The following SNX3 variants were observed in gnomAD, a reference collection of about 807,000 sequenced individuals.
SNX3 encodes the protein sorting nexin 3, also known as sorting nexin-3.
A neutral mutation model predicts 17.7 loss-of-function variants in SNX3; 5 were observed. The ratio of observed to expected loss-of-function variants is 0.28; its 90% CI spans 0.15 to 0.59. The LOEUF (loss-of-function observed/expected upper bound fraction) is 0.59, where lower values mean the gene tolerates loss of function less well. Among genes scored for constraint, SNX3 ranks in the 20% least tolerant of loss-of-function variants. The pLI is 0.88. For synonymous variants in SNX3, 91 were observed against 76.5 expected, an observed-to-expected ratio of 1.19 and a Z score of -0.99; for missense variants, 132 against 206.8, an observed-to-expected ratio of 0.64 and a Z score of 2.22.
At chr6:108,215,818 G>C (rs1774551186) in intron 2 of SNX3, among the ~76,000 whole-genome samples, 3 of 152,064 alleles carry the variant, frequency 2.0e-5, no homozygotes, top group South Asian at 4.1e-4. Context: ...TGTAGTCCCA[G>C]CTACTTAGGA....
chr6:108,231,895 T>C (rs1198109689), intron 1 of SNX3, among the ~76,000 whole-genome samples: 1 of 152,200 alleles, frequency 6.6e-6, no homozygotes, highest in Non-Finnish European at 1.5e-5. Flanking sequence ...ACCGATGTAT[T>C]AAGTACAGAA....
chr6:108,223,197 G>A, intron 1 of SNX3, 152 bp from the exon 2 acceptor site: 1 of 584,010 alleles, frequency 1.7e-6, no homozygotes, highest in South Asian at 2.1e-5. Context: ...GGAGTGCAAT[G>A]GCACGATCTC....
At chr6:108,224,408 G>A (rs1774914399) in intron 1 of SNX3, among the ~76,000 whole-genome samples, 2 of 152,170 alleles carry the variant, frequency 1.3e-5, no homozygotes, top group South Asian at 2.1e-4. Flanking sequence ...AGCCTCCCAA[G>A]TAGCTGGGAC....
chr6:108,237,955 G>A (rs954238900), intron 1 of SNX3, among the ~76,000 whole-genome samples: 15 of 151,306 alleles, frequency 9.9e-5, no homozygotes, highest in Admixed American at 8.6e-4. Context: ...AAATTAGCCC[G>A]GCATGGTGGC....
rs544459511 is a variant in SNX3 at position 108,217,328 on chromosome 6, T to C, written c.259-2706A>G. Among the ~76,000 whole-genome samples, 278 of 152,234 alleles carry C rather than the reference T, an allele frequency of 1.8e-3. 7 individuals are homozygous for C. Among genetic ancestry groups the C allele is most frequent in the Middle Eastern group, 3.4e-3 (1 of 294 alleles). On this transcript the variant is annotated intron_variant, in intron 2 of 3. Transcript: ENST00000230085. ...ACTCTTCCTAACATATTCAAACTAGTCATTCAAATGGATGGGGAGGTGGTA... is the reference window on the plus strand; with the variant it reads ...ACTCTTCCTAACATATTCAAACTAGCCATTCAAATGGATGGGGAGGTGGTA...
intron 1 of SNX3, among the ~76,000 whole-genome samples, chr6:108,225,621 G>A (rs1458920486): frequency 6.6e-6 from 1 of 152,104 alleles, no homozygotes; most frequent in Non-Finnish European, 1.5e-5. Context: ...GACAGAGTGA[G>A]ACTCTGACTC....
At chr6:108,245,607 G>A (rs1035876933) in intron 1 of SNX3, among the ~76,000 whole-genome samples, 12 of 152,066 alleles carry the variant, frequency 7.9e-5, no homozygotes, top group Non-Finnish European at 1.5e-4. Context: ...CCACATTCTC[G>A]CCAGCATCTG....
chr6:108,232,015 T>C (rs1050192054), intron 1 of SNX3, among the ~76,000 whole-genome samples: 9 of 152,352 alleles, frequency 5.9e-5, no homozygotes, highest in East Asian at 3.9e-4. Flanking sequence ...CTGCTGGGTA[T>C]CTTGCTTTTC....
In SNX3 at chr6:108,260,944, C is replaced by A. The variant is rs373380139; in HGVS notation, c.-23G>T. The A allele has an allele frequency of 1.3e-6, 2 of 1,543,428 alleles. No individual in the cohort carries two copies. The highest frequency in any genetic ancestry group is 2.8e-5 in the African/African-American group (2 of 70,348). On this transcript the variant is annotated 5_prime_UTR_variant, in exon 1 of 4. Coordinates refer to ENST00000230085, the MANE Select transcript of SNX3 (RefSeq NM_003795.6). ...CATTTCGCTGTAGCTGCTGCCGCCG[C>A]CGCGGGCTCCCTCCGCCCCCTCCGC...
intron 2 of SNX3, among the ~76,000 whole-genome samples, chr6:108,218,617 T>G (rs1390497895): frequency 6.6e-6 from 1 of 152,186 alleles, no homozygotes; most frequent in Non-Finnish European, 1.5e-5. Flanking sequence ...GAACAAAATG[T>G]CCACCAAATA....
At chr6:108,260,336 G>C (rs766198770) in intron 1 of SNX3, among the ~76,000 whole-genome samples, 30 of 152,216 alleles carry the variant, frequency 2.0e-4, no homozygotes, top group Admixed American at 5.9e-4. Flanking sequence ...AGCCGGGTTG[G>C]CTTGCTACCT....
chr6:108,237,345 C>T (rs1341404725), intron 1 of SNX3, among the ~76,000 whole-genome samples: 1 of 152,154 alleles, frequency 6.6e-6, no homozygotes, highest in East Asian at 1.9e-4. Flanking sequence ...CATTCCAGAT[C>T]CTTTATCTCT....
At chr6:108,250,693 T>C (rs1163471858) in intron 1 of SNX3, among the ~76,000 whole-genome samples, 1 of 152,102 alleles carries the variant, frequency 6.6e-6, no homozygotes, top group Non-Finnish European at 1.5e-5. Context: ...TGTTTCTCAA[T>C]ATGGACGAGA....
chr6:108,221,905 T>C lies in SNX3; in HGVS notation c.258+1045A>G, dbSNP rs1279005937. 2.0e-5 allele frequency among the ~76,000 whole-genome samples: 3 copies of C among 152,134 alleles called. No homozygotes were observed. In the East Asian group the frequency reaches 5.8e-4, roughly 29 times the overall value. Reference sequence around the variant, plus strand: ...GAGAGCTTTCTTAACACAGATTTTGTATTTCTAGTTTTATTCATATTTAAA... The same window carrying C: ...GAGAGCTTTCTTAACACAGATTTTGCATTTCTAGTTTTATTCATATTTAAA... On this transcript the variant is annotated intron_variant, in intron 2 of 3. Transcript: ENST00000230085.
intron 3 of SNX3, among the ~76,000 whole-genome samples, chr6:108,212,702 A>G (rs1048058471): frequency 2.0e-5 from 3 of 152,122 alleles, no homozygotes; most frequent in Non-Finnish European, 4.4e-5. Flanking sequence ...TGCACTATCA[A>G]CTAATGGTAT....
At chr6:108,217,247 A>T (rs1774616872) in intron 2 of SNX3, among the ~76,000 whole-genome samples, 1 of 151,328 alleles carries the variant, frequency 6.6e-6, no homozygotes. Flanking sequence ...TATAAATTTC[A>T]TATATAATGG....
chr6:108,225,851 A>T (rs1756534379), intron 1 of SNX3, among the ~76,000 whole-genome samples: 1 of 151,714 alleles, frequency 6.6e-6, no homozygotes, highest in African/African-American at 2.4e-5. Flanking sequence ...GGGAAACATA[A>T]GAAGATTCCA....
chr6:108,229,795 A>C (rs567716892), intron 1 of SNX3, among the ~76,000 whole-genome samples: 4 of 152,338 alleles, frequency 2.6e-5, no homozygotes, highest in African/African-American at 9.6e-5. Flanking sequence ...GAATATTCTA[A>C]AGCATAGGGA....
intron 1 of SNX3, among the ~76,000 whole-genome samples, chr6:108,253,174 T>C (rs2114767405): frequency 6.6e-6 from 1 of 152,300 alleles, no homozygotes; most frequent in East Asian, 1.9e-4. Context: ...ATCACCAGGA[T>C]AGCTCAAAGC....
Sources: allele counts gnomAD v4.1 joint callset (sites outside exome capture counted in the v4.1 genomes callset), GRCh38; gene constraint gnomAD v4.1.1; transcripts MANE v1.5; gene names NCBI Gene and HGNC (gene_info 2026-07-23, HGNC 2026-07-21).